The following DNAAF19 variants were observed in gnomAD, a reference collection of about 807,000 sequenced individuals.
The protein encoded by DNAAF19 is coiled-coil domain containing 103.
chr17:44,901,788 C>T, the DNAAF19 span: 148,419 of 1,038,700 alleles, frequency 0.14, 11,441 homozygotes, highest in Middle Eastern at 0.19. Flanking sequence ...GTTAAACCAA[C>T]AGAGATAGGT....
the DNAAF19 span, among the ~76,000 whole-genome samples, chr17:44,901,936 G>A: frequency 6.6e-6 from 1 of 152,050 alleles, no homozygotes; most frequent in African/African-American, 2.4e-5. Context: ...ATCAGAATTG[G>A]GATGCTCTGC....
the DNAAF19 span, chr17:44,904,469 T>C: frequency 1.3e-6 from 2 of 1,545,804 alleles, no homozygotes; most frequent in South Asian, 1.2e-5. Flanking sequence ...TGTGGTGTCT[T>C]GTGGCTCAAG....
chr17:44,904,436 C>T, the DNAAF19 span: 8 of 1,540,922 alleles, frequency 5.2e-6, no homozygotes, highest in South Asian at 4.8e-5. Context: ...CCTCTCCCCA[C>T]GCTACCTCAA....
chr17:44,903,935 C>T, the DNAAF19 span: 1 of 1,550,546 alleles, frequency 6.4e-7, no homozygotes, highest in Non-Finnish European at 8.7e-7. Context: ...CCCTGCTTTC[C>T]TGATGTTTGA....
chr17:44,899,773 T>A, the DNAAF19 span: 1 of 152,258 alleles, frequency 6.6e-6, no homozygotes, highest in African/African-American at 2.4e-5. Context: ...TGTTCTGGTT[T>A]ATCAGGGGAT....
the DNAAF19 span, chr17:44,899,992 G>T: frequency 6.6e-6 from 1 of 152,180 alleles, no homozygotes; most frequent in Admixed American, 6.5e-5. Flanking sequence ...ATTGGTTGGG[G>T]ACTTCCTGCT....
At chr17:44,905,389 T>G in the DNAAF19 span, 1 of 280,192 alleles carries the variant, frequency 3.6e-6, no homozygotes, top group Admixed American at 4.9e-5. Flanking sequence ...TGTTGAATCA[T>G]GTTTGAGCTG....
the DNAAF19 span, chr17:44,904,945 T>C: frequency 2.6e-6 from 4 of 1,550,586 alleles, no homozygotes; most frequent in East Asian, 7.3e-5. Flanking sequence ...TCTCAGATCC[T>C]GAGACTCGCT....
At chr17:44,900,896 TG>T in the DNAAF19 span, 2 of 1,248,202 alleles carry the variant, frequency 1.6e-6, no homozygotes, top group South Asian at 1.6e-5. Flanking sequence ...CAGAGTGCTT[TG>T]GGGTCATTTT....
chr17:44,902,296 C>G, the DNAAF19 span: 4 of 1,587,658 alleles, frequency 2.5e-6, no homozygotes, highest in Non-Finnish European at 3.5e-6. Flanking sequence ...GCTACAGGCT[C>G]CCCTCCCTGT....
chr17:44,900,800 A>G, the DNAAF19 span, among the ~76,000 whole-genome samples: 11 of 152,238 alleles, frequency 7.2e-5, 1 homozygote, highest in Admixed American at 7.2e-4. Flanking sequence ...AGTCTTGTGT[A>G]AGTCCTCACT....
chr17:44,903,134 C>T, the DNAAF19 span: 1 of 1,277,030 alleles, frequency 7.8e-7, no homozygotes, highest in Non-Finnish European at 9.9e-7. Flanking sequence ...CAAATGCTGG[C>T]TATACCAGTT....
chr17:44,905,212 A>C, the DNAAF19 span: 5 of 687,772 alleles, frequency 7.3e-6, no homozygotes, highest in East Asian at 1.4e-4. Flanking sequence ...CCCCATTTTC[A>C]TGGGCAGGTC....
chr17:44,900,976 C>T, the DNAAF19 span: 1 of 1,589,532 alleles, frequency 6.3e-7, no homozygotes, highest in Non-Finnish European at 8.5e-7. Context: ...CATGTATTCC[C>T]TTTGCCTTCC....
chr17:44,901,050 G>A, the DNAAF19 span: 51 of 1,600,910 alleles, frequency 3.2e-5, no homozygotes, highest in East Asian at 4.5e-5. Context: ...AGAGCTGCAG[G>A]CTGCACTCAC....
At chr17:44,901,259 T>C in the DNAAF19 span, 1 of 1,248,816 alleles carries the variant, frequency 8.0e-7, no homozygotes, top group Non-Finnish European at 1.1e-6. Flanking sequence ...TTTGATCTTA[T>C]GCAATTTCCT....
At chr17:44,903,492 C>T in the DNAAF19 span, 9 of 1,274,602 alleles carry the variant, frequency 7.1e-6, no homozygotes, top group South Asian at 3.2e-5. Flanking sequence ...ATCTCCCTGC[C>T]CGAGCACCTC....
At chr17:44,902,611 C>T in the DNAAF19 span, 5 of 1,614,180 alleles carry the variant, frequency 3.1e-6, no homozygotes, top group East Asian at 2.2e-5. Flanking sequence ...GAGCACTGGG[C>T]GCTTCACCCT....
the DNAAF19 span, chr17:44,903,202 C>T: frequency 7.9e-7 from 1 of 1,264,242 alleles, no homozygotes; most frequent in African/African-American, 1.5e-5. Context: ...AAACACTGAT[C>T]TCCACAGCTC....
Sources: gnomAD v4.1 joint callset for allele counts (sites outside exome capture counted in the v4.1 genomes callset) on GRCh38, gnomAD v4.1.1 for gene constraint, MANE v1.5 for transcripts, NCBI Gene and HGNC (gene_info 2026-07-23, HGNC 2026-07-21) for gene names.